CDH18: variants seen among roughly 807,000 people sequenced by gnomAD.
The protein encoded by CDH18 is cadherin 18, also known as cadherin-18.
In CDH18, 31 loss-of-function variants were observed where a neutral mutation model predicts 67.9. That is an observed-to-expected ratio of 0.46 (90% CI 0.34 to 0.62). CDH18 has a LOEUF of 0.62. CDH18 is among the 20% of genes least tolerant of loss of function. The pLI is 0.01. For missense variants in CDH18, 890 were observed against 975.5 expected, an observed-to-expected ratio of 0.91 and a Z score of 1.17; for synonymous variants, 362 against 347.2, an observed-to-expected ratio of 1.04 and a Z score of -0.48.
At chr5:19,980,608 C>A (rs1798938108) in intron 2 of CDH18, among the ~76,000 whole-genome samples, 1 of 152,136 alleles carries the variant, frequency 6.6e-6, no homozygotes, top group Non-Finnish European at 1.5e-5. Context: ...TCCTTAGTTG[C>A]CAGTTTCTCC....
chr5:20,381,497 A>G (rs1254733153), intron 1 of CDH18, among the ~76,000 whole-genome samples: 1 of 152,110 alleles, frequency 6.6e-6, no homozygotes, highest in Non-Finnish European at 1.5e-5. Flanking sequence ...TCCCACTTTT[A>G]GCCTCCTCAT....
chr5:19,953,512 C>A (rs1051944606), intron 2 of CDH18, among the ~76,000 whole-genome samples: 2 of 151,702 alleles, frequency 1.3e-5, no homozygotes, highest in African/African-American at 4.8e-5. Context: ...TATTGGTAGG[C>A]AGGAAAGTTC....
intron 1 of CDH18, among the ~76,000 whole-genome samples, chr5:20,424,199 A>G (rs760873969): frequency 9.3e-5 from 14 of 150,876 alleles, no homozygotes; most frequent in Non-Finnish European, 4.4e-5. Flanking sequence ...GAAGACAAGT[A>G]TCCTCTGCTA....
intron 1 of CDH18, among the ~76,000 whole-genome samples, chr5:20,260,386 T>G (rs1471760020): frequency 6.6e-6 from 1 of 152,002 alleles, no homozygotes; most frequent in Non-Finnish European, 1.5e-5. Context: ...AGAATTGTGC[T>G]CCAGGGGCTC....
intron 1 of CDH18, among the ~76,000 whole-genome samples, chr5:20,494,380 T>C (rs983860568): frequency 6.6e-6 from 1 of 152,006 alleles, no homozygotes; most frequent in Admixed American, 6.6e-5. Context: ...CCTAATAAAA[T>C]GTAAACTTCA....
intron 2 of CDH18, among the ~76,000 whole-genome samples, chr5:19,853,863 C>T (rs1212640543): frequency 6.6e-6 from 1 of 152,104 alleles, no homozygotes; most frequent in South Asian, 2.1e-4. Flanking sequence ...CTGATCTGGA[C>T]AACTATAAAT....
intron 2 of CDH18, among the ~76,000 whole-genome samples, chr5:20,149,377 G>T (rs1260072965): frequency 1.3e-5 from 2 of 152,026 alleles, no homozygotes; most frequent in Admixed American, 1.3e-4. Flanking sequence ...TTTCCTTGTT[G>T]ACACACTTTC....
intron 2 of CDH18, among the ~76,000 whole-genome samples, chr5:20,159,993 A>C (rs1455530612): frequency 1.3e-5 from 2 of 152,190 alleles, no homozygotes; most frequent in East Asian, 3.9e-4. Context: ...AACACACACA[A>C]AAAAATTTTT....
At chr5:20,409,429 A>T (rs1344763680) in intron 1 of CDH18, among the ~76,000 whole-genome samples, 3 of 151,780 alleles carry the variant, frequency 2.0e-5, no homozygotes, top group Non-Finnish European at 4.4e-5. Context: ...AGGAGGTCAA[A>T]AAAGAGATGA....
At chr5:20,035,388 C>A (rs1008557068) in intron 2 of CDH18, among the ~76,000 whole-genome samples, 1 of 151,984 alleles carries the variant, frequency 6.6e-6, no homozygotes, top group East Asian at 1.9e-4. Context: ...TTATTCTATT[C>A]TCACACTGCT....
At chr5:19,625,668 CA>C (rs1346071169) in intron 5 of CDH18, among the ~76,000 whole-genome samples, 1 of 151,994 alleles carries the variant, frequency 6.6e-6, no homozygotes, top group Non-Finnish European at 1.5e-5. Context: ...TCTCTATGTT[CA>C]AATTTCCTTT....
intron 1 of CDH18, among the ~76,000 whole-genome samples, chr5:20,376,434 G>A (rs1743450359): frequency 6.6e-6 from 1 of 151,760 alleles, no homozygotes; most frequent in Non-Finnish European, 1.5e-5. Context: ...GGTTACTTTG[G>A]AGATGCCATT....
chr5:19,755,462 C>CATATATATATATATATATATAT (rs375579381), intron 3 of CDH18, among the ~76,000 whole-genome samples: 8 of 79,254 alleles, frequency 1.0e-4, no homozygotes, highest in Non-Finnish European at 1.8e-4. Context: ...TATATATACA[C>CATATATATATATATATATATAT]ACACACACAC....
chr5:19,898,670 T>C (rs950592457), intron 2 of CDH18, among the ~76,000 whole-genome samples: 1 of 151,834 alleles, frequency 6.6e-6, no homozygotes, highest in African/African-American at 2.4e-5. Flanking sequence ...AAATCATTAC[T>C]AAGTGAAACA....
chr5:19,637,358 T>C (rs1753312310), intron 5 of CDH18, among the ~76,000 whole-genome samples: 1 of 152,178 alleles, frequency 6.6e-6, no homozygotes, highest in Non-Finnish European at 1.5e-5. Context: ...ATATCACGGC[T>C]GCCATGCCAA....
At chr5:20,204,469 G>A (rs1739718960) in intron 2 of CDH18, among the ~76,000 whole-genome samples, 1 of 151,830 alleles carries the variant, frequency 6.6e-6, no homozygotes, top group Non-Finnish European at 1.5e-5. Context: ...ATGAACCACA[G>A]GACCTATTTT....
chr5:19,853,323 A>G (rs868384414), intron 2 of CDH18, among the ~76,000 whole-genome samples: 4 of 151,996 alleles, frequency 2.6e-5, no homozygotes, highest in Non-Finnish European at 1.5e-5. Context: ...AAGGACACCA[A>G]TGCTATTAGA....
intron 7 of CDH18, 107 bp from the exon 8 acceptor site, chr5:19,571,939 T>TGA: frequency 3.6e-6 from 3 of 842,538 alleles, no homozygotes; most frequent in Non-Finnish European, 5.5e-6. Flanking sequence ...ATAAAATAAT[T>TGA]GAGAGAGAGA....
chr5:20,504,167 T>C (rs1754515003), intron 1 of CDH18, among the ~76,000 whole-genome samples: 2 of 152,204 alleles, frequency 1.3e-5, no homozygotes, highest in Non-Finnish European at 2.9e-5. Flanking sequence ...ATGATTATTT[T>C]ATTTAAGATA....
Sources: gnomAD v4.1 joint callset for allele counts (sites outside exome capture counted in the v4.1 genomes callset) on GRCh38, gnomAD v4.1.1 for gene constraint, MANE v1.5 for transcripts, NCBI Gene and HGNC (gene_info 2026-07-23, HGNC 2026-07-21) for gene names.